NPAS3: variants seen among roughly 807,000 people sequenced by gnomAD.
NPAS3 encodes neuronal PAS domain protein 3, also known as neuronal PAS domain-containing protein 3.
In NPAS3, 14 loss-of-function variants were observed where a neutral mutation model predicts 73.1. The ratio of observed to expected loss-of-function variants is 0.19; its 90% CI spans 0.13 to 0.30. NPAS3 has a LOEUF of 0.30. NPAS3 is among the 10% of genes least tolerant of loss of function. The pLI, the probability that NPAS3 is intolerant of heterozygous loss-of-function variation, is 1.00. For synonymous variants in NPAS3, 620 were observed against 541.5 expected (o/e 1.14, Z -2.01); for missense variants, 1,096 against 1,250.0 (o/e 0.88, Z 1.86).
chr14:33,317,290 T>C (rs2043245404), intron 3 of NPAS3, among the ~76,000 whole-genome samples: 1 of 152,108 alleles, frequency 6.6e-6, no homozygotes, highest in Non-Finnish European at 1.5e-5. Flanking sequence ...TTAGGCACTA[T>C]ACTGAGTGCT....
chr14:33,682,664 C>A (rs2059972257), intron 6 of NPAS3, among the ~76,000 whole-genome samples: 1 of 152,206 alleles, frequency 6.6e-6, no homozygotes, highest in Non-Finnish European at 1.5e-5. Context: ...TCCCCTGGAA[C>A]TGCCACAGAA....
intron 4 of NPAS3, among the ~76,000 whole-genome samples, chr14:33,541,628 TG>T (rs1398158711): frequency 6.6e-6 from 1 of 152,154 alleles, no homozygotes; most frequent in African/African-American, 2.4e-5. Context: ...GTCTCTAAAA[TG>T]GGAAGAGTGT....
intron 4 of NPAS3, among the ~76,000 whole-genome samples, chr14:33,398,103 A>T (rs1338568547): frequency 6.6e-6 from 1 of 152,146 alleles, no homozygotes; most frequent in Non-Finnish European, 1.5e-5. Context: ...AAGAAAAATC[A>T]AGTTCTAGTG....
At chr14:33,500,056 G>A (rs2052434706) in intron 4 of NPAS3, among the ~76,000 whole-genome samples, 1 of 151,776 alleles carries the variant, frequency 6.6e-6, no homozygotes, top group African/African-American at 2.4e-5. Flanking sequence ...CTTATGAAAC[G>A]GTAGCTTTAG....
intron 4 of NPAS3, among the ~76,000 whole-genome samples, chr14:33,431,035 G>A (rs1426574931): frequency 6.6e-6 from 1 of 152,138 alleles, no homozygotes; most frequent in African/African-American, 2.4e-5. Context: ...AAGATCAAAA[G>A]AGGAAAAATA....
chr14:33,189,641 TGACA>T (rs2046098360), intron 2 of NPAS3, among the ~76,000 whole-genome samples: 1 of 152,220 alleles, frequency 6.6e-6, no homozygotes, highest in Non-Finnish European at 1.5e-5. Context: ...GTCATGTTAG[TGACA>T]AAAAGCCTAA....
chr14:33,324,982 A>G (rs8018504), intron 3 of NPAS3, among the ~76,000 whole-genome samples: 21,418 of 152,068 alleles, frequency 0.14, 1,693 homozygotes, highest in African/African-American at 0.2. Context: ...CGTGTTAGTT[A>G]TATTAGCATG....
At chr14:33,348,453 C>T (rs2044856744) in intron 3 of NPAS3, among the ~76,000 whole-genome samples, 1 of 152,134 alleles carries the variant, frequency 6.6e-6, no homozygotes, top group South Asian at 2.1e-4. Context: ...ATCGACGTAG[C>T]AAACCTTCTG....
intron 4 of NPAS3, among the ~76,000 whole-genome samples, chr14:33,427,556 G>A (rs2048607929): frequency 6.6e-6 from 1 of 151,672 alleles, no homozygotes; most frequent in African/African-American, 2.4e-5. Flanking sequence ...ACAGTGAGAT[G>A]CCCACAGCTA....
At chr14:33,549,254 C>T (rs1477016211) in intron 4 of NPAS3, among the ~76,000 whole-genome samples, 6 of 152,078 alleles carry the variant, frequency 3.9e-5, no homozygotes, top group African/African-American at 7.2e-5. Context: ...ACTTTTGAGA[C>T]GGGGTCTCAC....
At position 33,701,253 on chromosome 14, in the gene NPAS3, T is replaced by C. The variant is rs2140450991; in HGVS notation, c.733+24868T>C. Among the ~76,000 whole-genome samples the C allele has an allele frequency of 2.0e-5, 3 of 152,378 alleles. 1 individual carries two copies. The South Asian group carries it at 6.2e-4, about 32-fold the overall frequency. On this transcript the variant is annotated intron_variant, in intron 6 of 11. Transcript: ENST00000356141. Reference sequence around the variant, plus strand: ...TGTGAGGTTAGGACTGTCTTTTTTATTTCCATTTTACAAATGAGAAAACTT... The same window carrying C: ...TGTGAGGTTAGGACTGTCTTTTTTACTTCCATTTTACAAATGAGAAAACTT...
intron 4 of NPAS3, among the ~76,000 whole-genome samples, chr14:33,523,327 A>C (rs2053641146): frequency 6.6e-6 from 1 of 151,964 alleles, no homozygotes; most frequent in African/African-American, 2.4e-5. Context: ...ATCTGACATC[A>C]TTATTACTGT....
chr14:33,775,651 A>T (rs896828270), intron 8 of NPAS3, among the ~76,000 whole-genome samples: 1 of 152,202 alleles, frequency 6.6e-6, no homozygotes, highest in Non-Finnish European at 1.5e-5. Flanking sequence ...AGGGTGGAAG[A>T]TCTCATGAAC....
chr14:33,796,282 T>C, intron 10 of NPAS3, among the ~76,000 whole-genome samples: 1 of 152,164 alleles, frequency 6.6e-6, no homozygotes, highest in East Asian at 1.9e-4. Context: ...CCAGTCTTCT[T>C]CCCATTCCCT....
At position 33,202,949 on chromosome 14, in the gene NPAS3, C is replaced by T. The variant is rs975439334; in HGVS notation, c.141-12233C>T. ...ATAATATCGTAAGAAAAGTCTTTTT[C>T]TGACATATAAATATAATTTTCTTCC... On this transcript the variant is annotated intron_variant, in intron 2 of 11. Transcript: ENST00000356141. Among the ~76,000 whole-genome samples the T allele has an allele frequency of 2.0e-5, 3 of 152,282 alleles. No individual in the cohort carries two copies. The South Asian group carries it at 6.2e-4, about 32-fold the overall frequency.
At chr14:33,290,713 T>A (rs1425086253) in intron 3 of NPAS3, among the ~76,000 whole-genome samples, 1 of 152,188 alleles carries the variant, frequency 6.6e-6, no homozygotes, top group Non-Finnish European at 1.5e-5. Context: ...TTTTTAAAGG[T>A]GGTTTGCTTT....
intron 4 of NPAS3, among the ~76,000 whole-genome samples, chr14:33,439,079 A>G (rs1255298968): frequency 6.7e-6 from 1 of 148,402 alleles, no homozygotes; most frequent in African/African-American, 2.5e-5. Context: ...ATATTATCTT[A>G]GGAAAATAGT....
chr14:33,650,965 A>G (rs1020998334), intron 5 of NPAS3, among the ~76,000 whole-genome samples: 1 of 152,244 alleles, frequency 6.6e-6, no homozygotes, highest in African/African-American at 2.4e-5. Flanking sequence ...GAAGAGGGAA[A>G]GCAAGGGAGG....
intron 6 of NPAS3, among the ~76,000 whole-genome samples, chr14:33,685,455 T>C (rs75299367): frequency 0.079 from 11,975 of 152,224 alleles, 559 homozygotes; most frequent in South Asian, 0.23. Context: ...GGGTAGGTTT[T>C]TGTTCATTTG....
Sources: gnomAD v4.1 joint callset for allele counts (sites outside exome capture counted in the v4.1 genomes callset) on GRCh38, gnomAD v4.1.1 for gene constraint, MANE v1.5 for transcripts, NCBI Gene and HGNC (gene_info 2026-07-23, HGNC 2026-07-21) for gene names.